ITPR2: variants seen among roughly 807,000 people sequenced by gnomAD.
ITPR2 encodes the protein inositol 1,4,5-trisphosphate-gated calcium channel ITPR2.
ITPR2 carries 207 observed loss-of-function variants against 317.1 expected under a neutral mutation model. The observed-to-expected ratio is 0.65, with a 90% CI of 0.58 to 0.73. ITPR2 has a LOEUF of 0.73. Among genes scored for constraint, ITPR2 ranks in the 30% least tolerant of loss-of-function variants. The probability of loss-of-function intolerance (pLI) is 0.00; values close to 1 mark genes in which losing one functional copy is unlikely to be tolerated. For synonymous variants in ITPR2, 1,156 were observed against 1,149.1 expected (o/e 1.01, Z -0.12); for missense variants, 2,613 against 3,284.0 (o/e 0.80, Z 4.99).
intron 37 of ITPR2, among the ~76,000 whole-genome samples, chr12:26,530,458 G>A (rs148764021): frequency 2.7e-4 from 41 of 152,240 alleles, no homozygotes; most frequent in Non-Finnish European, 4.7e-4. Context: ...CATATTTCCC[G>A]TGAATCCTGG....
chr12:26,830,186 G>C (rs576355804), intron 1 of ITPR2, among the ~76,000 whole-genome samples: 1 of 152,250 alleles, frequency 6.6e-6, no homozygotes, highest in African/African-American at 2.4e-5. Flanking sequence ...TTACAGGCAT[G>C]AGCCACTGTG....
intron 34 of ITPR2, among the ~76,000 whole-genome samples, chr12:26,565,576 A>C (rs1254449376): frequency 6.6e-6 from 1 of 151,954 alleles, no homozygotes; most frequent in Non-Finnish European, 1.5e-5. Context: ...CATATAATGA[A>C]AGGAAAGCAA....
intron 45 of ITPR2, among the ~76,000 whole-genome samples, chr12:26,468,460 T>C (rs896628763): frequency 1.3e-5 from 2 of 152,076 alleles, no homozygotes; most frequent in African/African-American, 2.4e-5. Flanking sequence ...ATAGTGGATG[T>C]ATTATCTAGA....
At chr12:26,649,810 TAGATAGATAGATAGAC>T (rs1297628222) in intron 21 of ITPR2, among the ~76,000 whole-genome samples, 66 of 148,856 alleles carry the variant, frequency 4.4e-4, no homozygotes, top group South Asian at 1.1e-3. Flanking sequence ...GATAGATAGA[TAGATAGATAGATAGAC>T]AGACAGACAG....
chr12:26,492,907 A>ATG (rs984509366), intron 39 of ITPR2, among the ~76,000 whole-genome samples: 8 of 84,716 alleles, frequency 9.4e-5, no homozygotes, highest in African/African-American at 2.6e-4. Flanking sequence ...GTGTGTGTGT[A>ATG]TGTGTGTGTG....
intron 55 of ITPR2, among the ~76,000 whole-genome samples, chr12:26,360,377 T>C (rs1938788629): frequency 6.6e-6 from 1 of 152,182 alleles, no homozygotes; most frequent in Admixed American, 6.5e-5. Context: ...GGTCCGCTGT[T>C]TTGCAGAAGT....
At chr12:26,454,045 CGGATGGAT>C (rs1387149953) in intron 45 of ITPR2, among the ~76,000 whole-genome samples, 1 of 151,346 alleles carries the variant, frequency 6.6e-6, no homozygotes, top group Admixed American at 6.6e-5. Context: ...GATGGATGGA[CGGATGGAT>C]GGATGGATGG....
chr12:26,371,511 C>T (rs141855369), intron 55 of ITPR2, among the ~76,000 whole-genome samples: 221 of 152,250 alleles, frequency 1.5e-3, no homozygotes, highest in African/African-American at 4.9e-3. Flanking sequence ...TAGTGGTAAA[C>T]GCTTTGGATA....
At chr12:26,718,121 C>T (rs910986063) in intron 5 of ITPR2, among the ~76,000 whole-genome samples, 19 of 152,232 alleles carry the variant, frequency 1.2e-4, no homozygotes, top group Admixed American at 6.5e-5. Context: ...ATGTGCAGAA[C>T]GTGCAGGTTT....
chr12:26,419,417 A>T, intron 49 of ITPR2: 1 of 499,596 alleles, frequency 2.0e-6, no homozygotes, highest in Non-Finnish European at 3.5e-6. Flanking sequence ...GGTCTTCAGC[A>T]TTGCTTACAA....
intron 47 of ITPR2, 89 bp downstream of exon 47, chr12:26,439,038 C>A: frequency 1.2e-6 from 1 of 803,986 alleles, no homozygotes; most frequent in Non-Finnish European, 2.0e-6. Flanking sequence ...ATTAAAAAAA[C>A]AATTTAAATG....
At chr12:26,531,476 T>G (rs1448478427) in intron 37 of ITPR2, among the ~76,000 whole-genome samples, 1 of 152,246 alleles carries the variant, frequency 6.6e-6, no homozygotes, top group Non-Finnish European at 1.5e-5. Context: ...CCTTGATTTT[T>G]TCATTCGTCT....
At chr12:26,542,098 CA>C (rs1944279728) in intron 37 of ITPR2, among the ~76,000 whole-genome samples, 1 of 152,186 alleles carries the variant, frequency 6.6e-6, no homozygotes, top group Non-Finnish European at 1.5e-5. Flanking sequence ...CACACTTCAA[CA>C]AGGGGCTATC....
In ITPR2 at chr12:26,654,053, GTTC is replaced by G; in HGVS notation, c.2660_2662del (p.Arg887del). 5.0e-6 allele frequency: 7 copies of G among 1,401,002 alleles called. No individual in the cohort carries two copies. The highest frequency in any genetic ancestry group is 6.7e-6 in the Non-Finnish European group (7 of 1,049,094). 86.8% of individuals were successfully genotyped at this position (1,401,002 alleles called of 1,614,324 possible). On this transcript the variant is annotated inframe_deletion, in exon 21 of 57. Coordinates refer to ENST00000381340, the MANE Select transcript of ITPR2 (RefSeq NM_002223.4). ...TACAATGTCTAAAATAGCCAGAAGT[GTTC>G]TTGTTAGCCTTAATAACTCACTGAA...
intron 2 of ITPR2, among the ~76,000 whole-genome samples, chr12:26,786,497 T>C (rs1950252902): frequency 6.6e-6 from 1 of 150,432 alleles, no homozygotes; most frequent in Non-Finnish European, 1.5e-5. Flanking sequence ...ATTAAAGAAA[T>C]TTTATTCGCA....
intron 10 of ITPR2, among the ~76,000 whole-genome samples, chr12:26,691,744 C>G (rs1027672284): frequency 2.6e-5 from 4 of 152,086 alleles, no homozygotes; most frequent in Admixed American, 6.5e-5. Flanking sequence ...ACAGACATCA[C>G]GTTGCAATTC....
chr12:26,550,792 AAT>A (rs1309364044), intron 36 of ITPR2, among the ~76,000 whole-genome samples: 1 of 152,152 alleles, frequency 6.6e-6, no homozygotes, highest in African/African-American at 2.4e-5. Flanking sequence ...CTGCAACCTT[AAT>A]ATAACAGGCT....
Position 26,832,921 on chromosome 12 carries a change from G to A in ITPR2, c.-140C>T. On this transcript the variant is annotated 5_prime_UTR_variant, in exon 1 of 57. Transcript: ENST00000381340. ...AGCCGCGGCGGAGGGCACGGCCCGA[G>A]CCACTGAGCGTCGCGGCTCAGCCGT... 1.5e-6 allele frequency: 1 copy of A among 660,682 alleles called. No homozygotes were observed. Among genetic ancestry groups the A allele is most frequent in the Non-Finnish European group, 2.6e-6 (1 of 387,608 alleles). The allele number at this position is 660,682 out of a possible 1,614,324, so 40.9% of individuals were successfully genotyped here.
Position 26,599,130 on chromosome 12 carries a change from A to G in ITPR2, c.4002+15T>C. 4.3e-6 allele frequency: 7 copies of G among 1,612,426 alleles called. No individual in the cohort carries two copies. Among genetic ancestry groups the G allele is most frequent in the Non-Finnish European group, 5.9e-6 (7 of 1,178,396 alleles). On this transcript the variant is annotated intron_variant, in intron 30 of 56. Coordinates refer to ENST00000381340, the MANE Select transcript of ITPR2 (RefSeq NM_002223.4). ...TGTTTAGGTGAAGCTGATAAAAGGCAAACTGAGAACATACCTCTGTCATTA... is the reference window on the plus strand; with the variant it reads ...TGTTTAGGTGAAGCTGATAAAAGGCGAACTGAGAACATACCTCTGTCATTA...
Sources: allele counts gnomAD v4.1 joint callset (sites outside exome capture counted in the v4.1 genomes callset), GRCh38; gene constraint gnomAD v4.1.1; transcripts MANE v1.5; gene names NCBI Gene and HGNC (gene_info 2026-07-23, HGNC 2026-07-21).